The following ATF6 variants were observed in gnomAD, a reference collection of about 807,000 sequenced individuals.
ATF6 encodes cyclic AMP-dependent transcription factor ATF-6 alpha.
Under a neutral mutation model 83.6 loss-of-function variants are expected in ATF6, and 53 were observed. That is an observed-to-expected ratio of 0.63 (90% CI 0.51 to 0.80). ATF6 has a LOEUF of 0.80. Ranked by LOEUF, ATF6 falls within the 30% of genes least tolerant of loss-of-function variation. The pLI is 0.00. For synonymous variants in ATF6, 288 were observed against 285.8 expected (o/e 1.01, Z -0.08); for missense variants, 744 against 797.9 (o/e 0.93, Z 0.81).
rs1571135825 is a variant in ATF6 at position 161,793,290 on chromosome 1, A to G, written c.688+963A>G. On this transcript the variant is annotated intron_variant, in intron 6 of 15. Transcript: ENST00000367942. Reference sequence around the variant, plus strand: ...GAAGACCTAGATGAGAGAATGGATGAATCAGTGAAAATTCATCCATCAGTC... The same window carrying G: ...GAAGACCTAGATGAGAGAATGGATGGATCAGTGAAAATTCATCCATCAGTC... Among the ~76,000 whole-genome samples, 7 of 152,330 alleles carry G rather than the reference A, an allele frequency of 4.6e-5. No homozygotes were observed. In the East Asian group the frequency reaches 1.3e-3, roughly 29 times the overall value.
In ATF6 at chr1:161,792,150, A is replaced by G. The variant is rs978018452; in HGVS notation, c.511A>G (p.Ile171Val). 1.1e-5 allele frequency: 17 copies of G among 1,613,896 alleles called. No individual in the cohort carries two copies. Among genetic ancestry groups the G allele is most frequent in the Non-Finnish European group, 1.4e-5 (17 of 1,180,018 alleles). The change falls in exon 6 of 16, where the codon ATT becomes GTT. Residue 171 changes from isoleucine (I) to valine (V), a missense_variant. Transcript: ENST00000367942. The part of the protein sequence containing the change: ...TENGLTPKKK[I>V]QVNSKPSIQP... ...AAATGGACTGACTCCAAAGAAAAAAATTCAGGTGAATTCAAAACCTTCAAT... is the reference window on the plus strand; with the variant it reads ...AAATGGACTGACTCCAAAGAAAAAAGTTCAGGTGAATTCAAAACCTTCAAT...
intron 15 of ATF6, among the ~76,000 whole-genome samples, chr1:161,916,445 T>C (rs1393821692): frequency 6.6e-6 from 1 of 152,206 alleles, no homozygotes; most frequent in Admixed American, 6.5e-5. Context: ...GATAACATGG[T>C]GCTTTACCCC....
chr1:161,865,180 G>A (rs1354817026), intron 14 of ATF6, among the ~76,000 whole-genome samples: 1 of 150,092 alleles, frequency 6.7e-6, no homozygotes, highest in East Asian at 1.9e-4. Context: ...TTTCTTTTGA[G>A]ATGGATTCTC....
chr1:161,873,835 C>A (rs564510297), intron 14 of ATF6, among the ~76,000 whole-genome samples: 1 of 151,548 alleles, frequency 6.6e-6, no homozygotes, highest in South Asian at 2.1e-4. Flanking sequence ...GACTTTGTTC[C>A]CAATACATGG....
At position 161,958,442 on chromosome 1, in the gene ATF6, G is replaced by T. The variant is rs368796407; in HGVS notation, c.1805-4G>T. The T allele has an allele frequency of 1.9e-6, 3 of 1,595,596 alleles. No homozygotes were observed. Among genetic ancestry groups the T allele is most frequent in the South Asian group, 1.1e-5 (1 of 87,584 alleles). On this transcript the variant is annotated splice_region_variant and splice_polypyrimidine_tract_variant and intron_variant, in intron 15 of 15. Transcript: ENST00000367942. ...TTATTCTTTGTGTATATTCCTGTCT[G>T]CAGAGAATGTGATCAATGGGCAGGA...
At chr1:161,889,746 A>G (rs1033778773) in intron 14 of ATF6, among the ~76,000 whole-genome samples, 2 of 152,232 alleles carry the variant, frequency 1.3e-5, no homozygotes, top group Non-Finnish European at 2.9e-5. Context: ...TAATTTTAGT[A>G]TAAAATTCAA....
intron 14 of ATF6, among the ~76,000 whole-genome samples, chr1:161,874,561 C>A (rs1018459796): frequency 2.0e-5 from 3 of 151,522 alleles, no homozygotes; most frequent in Admixed American, 6.6e-5. Flanking sequence ...ACAACTATTT[C>A]TTTTCTGATT....
At chr1:161,790,809 T>TCAACAACAACAA (rs34420630) in intron 4 of ATF6, among the ~76,000 whole-genome samples, 14 of 149,684 alleles carry the variant, frequency 9.4e-5, no homozygotes, top group Middle Eastern at 3.2e-3. Flanking sequence ...AGACTCTGTC[T>TCAACAACAACAA]CAACAACAAC....
chr1:161,876,512 A>C (rs1213398033), intron 14 of ATF6, among the ~76,000 whole-genome samples: 1 of 152,036 alleles, frequency 6.6e-6, no homozygotes. Context: ...AAGCTGTAAT[A>C]GAATTTTTTT....
intron 6 of ATF6, among the ~76,000 whole-genome samples, chr1:161,798,058 G>A (rs1685062208): frequency 1.3e-5 from 2 of 152,094 alleles, no homozygotes; most frequent in South Asian, 2.1e-4. Flanking sequence ...CAAACAGTGG[G>A]GAAAGGACTG....
chr1:161,814,173 C>T lies in ATF6; in HGVS notation c.910-5460C>T, dbSNP rs183828454. ...TGCTGGGATTACAGGCGTGAGCCACCGCGCCCGGCCTCCATCAAGTATTTC... is the reference window on the plus strand; with the variant it reads ...TGCTGGGATTACAGGCGTGAGCCACTGCGCCCGGCCTCCATCAAGTATTTC... On this transcript the variant is annotated intron_variant, in intron 7 of 15. Coordinates refer to ENST00000367942, the MANE Select transcript of ATF6 (RefSeq NM_007348.4). Among the ~76,000 whole-genome samples, 378 of 152,262 alleles carry T rather than the reference C, an allele frequency of 2.5e-3. 3 individuals carry two copies. Among genetic ancestry groups the T allele is most frequent in the African/African-American group, 8.4e-3 (350 of 41,554 alleles).
intron 7 of ATF6, 25 bp downstream of exon 7, chr1:161,802,297 T>C (rs753430839): frequency 1.9e-6 from 3 of 1,589,678 alleles, no homozygotes; most frequent in South Asian, 1.1e-5. Context: ...TTAGTGCTTC[T>C]CTTAATGCCT....
chr1:161,894,521 C>CTTTTTT lies in ATF6; in HGVS notation c.1720-17747_1720-17742dup, dbSNP rs71093131. Reference sequence around the variant, plus strand: ...TTAGAGGCAACATTTGTTTTGTAGTCTTTTTTTTTTTTTTTTTTTTTTTTT... The same window carrying CTTTTTT: ...TTAGAGGCAACATTTGTTTTGTAGTCTTTTTTTTTTTTTTTTTTTTTTTTTTTTTTT... On this transcript the variant is annotated intron_variant, in intron 14 of 15. Coordinates refer to ENST00000367942, the MANE Select transcript of ATF6 (RefSeq NM_007348.4). Among the ~76,000 whole-genome samples the CTTTTTT allele has an allele frequency of 3.6e-4, 16 of 44,862 alleles. 1 individual carries two copies. The highest frequency in any genetic ancestry group is 8.6e-4 in the African/African-American group (13 of 15,128). 29.4% of individuals were successfully genotyped at this position (44,862 alleles called of 152,430 possible). A position where few individuals can be genotyped will look rare whatever the true frequency, so the allele number is the denominator to read the frequency against.
chr1:161,870,848 T>C (rs561101538), intron 14 of ATF6, among the ~76,000 whole-genome samples: 2 of 151,874 alleles, frequency 1.3e-5, no homozygotes, highest in Admixed American at 6.6e-5. Flanking sequence ...ATTCTCAGAA[T>C]GGTGGGCAGA....
At chr1:161,770,163 G>A (rs958967925) in intron 1 of ATF6, among the ~76,000 whole-genome samples, 15 of 152,054 alleles carry the variant, frequency 9.9e-5, no homozygotes, top group African/African-American at 3.6e-4. Flanking sequence ...TCATATAGTT[G>A]GAATCATACA....
In ATF6 at chr1:161,904,284, A is replaced by T. The variant is rs111355362; in HGVS notation, c.1720-8012A>T. On this transcript the variant is annotated intron_variant, in intron 14 of 15. Transcript: ENST00000367942. ...CCTACAAATGCATCATACCTTAAAAATGCACTTTAAAACTGAATGGAAGCC... is the reference window on the plus strand; with the variant it reads ...CCTACAAATGCATCATACCTTAAAATTGCACTTTAAAACTGAATGGAAGCC... Among the ~76,000 whole-genome samples the T allele has an allele frequency of 2.3e-3, 351 of 152,334 alleles. 3 individuals carry two copies. The highest frequency in any genetic ancestry group is 7.9e-3 in the African/African-American group (327 of 41,568).
At chr1:161,796,578 CTTCAAATTT>C (rs2101747984) in intron 6 of ATF6, among the ~76,000 whole-genome samples, 1 of 152,286 alleles carries the variant, frequency 6.6e-6, no homozygotes, top group African/African-American at 2.4e-5. Flanking sequence ...TTGTACAGCT[CTTCAAATTT>C]TTATAGCTAT....
At chr1:161,864,301 A>G (rs991524932) in intron 14 of ATF6, among the ~76,000 whole-genome samples, 1 of 152,156 alleles carries the variant, frequency 6.6e-6, no homozygotes, top group African/African-American at 2.4e-5. Context: ...TGCCAAACCC[A>G]CTTATATGCA....
intron 15 of ATF6, among the ~76,000 whole-genome samples, chr1:161,941,042 G>T (rs1051508221): frequency 1.7e-4 from 26 of 152,272 alleles, no homozygotes; most frequent in African/African-American, 5.8e-4. Flanking sequence ...TCATCTCTCA[G>T]TGCCCAACAC....
Sources: allele counts gnomAD v4.1 joint callset (sites outside exome capture counted in the v4.1 genomes callset), GRCh38; gene constraint gnomAD v4.1.1; transcripts MANE v1.5; gene names NCBI Gene and HGNC (gene_info 2026-07-23, HGNC 2026-07-21).